Variants in TYR observed in about 807,000 individuals in gnomAD.
TYR encodes LB24-AB.
Under a neutral mutation model 51.5 loss-of-function variants are expected in TYR, and 58 were observed. The ratio of observed to expected loss-of-function variants is 1.13; its 90% CI spans 0.91 to 1.40. The LOEUF (loss-of-function observed/expected upper bound fraction) is 1.40, where lower values mean the gene tolerates loss of function less well. Ranked by LOEUF, TYR falls within the 40% of genes most tolerant of loss-of-function variation. The pLI, the probability that TYR is intolerant of heterozygous loss-of-function variation, is 0.00. For synonymous variants in TYR, 263 were observed against 235.2 expected (o/e 1.12, Z -1.08); for missense variants, 732 against 647.4 (o/e 1.13, Z -1.42).
intron 1 of TYR, among the ~76,000 whole-genome samples, chr11:89,180,751 T>C (rs1232966366): frequency 6.6e-6 from 1 of 152,136 alleles, no homozygotes; most frequent in Non-Finnish European, 1.5e-5. Flanking sequence ...CATTTGCTGC[T>C]CACCTACTAT....
At chr11:89,223,087 A>G (rs1017534585) in intron 2 of TYR, among the ~76,000 whole-genome samples, 5 of 152,218 alleles carry the variant, frequency 3.3e-5, no homozygotes, top group African/African-American at 1.2e-4. Flanking sequence ...GTATATGCAA[A>G]AAGGAGCACA....
intron 3 of TYR, among the ~76,000 whole-genome samples, chr11:89,268,629 C>T (rs1382020044): frequency 6.6e-6 from 1 of 151,874 alleles, no homozygotes; most frequent in Non-Finnish European, 1.5e-5. Flanking sequence ...TAATATAATA[C>T]ACACATCCAT....
intron 3 of TYR, among the ~76,000 whole-genome samples, chr11:89,252,821 TCAACATGAAAAGGAAAG>T (rs1315436735): frequency 4.6e-5 from 7 of 151,710 alleles, no homozygotes; most frequent in African/African-American, 7.2e-5. Flanking sequence ...GTTTCATGCT[TCAACATGAAAAGGAAAG>T]CAACATTCAG....
rs111445256 is a variant in TYR, at chr11:89,214,127, A to G, written c.1037-13696A>G. On this transcript the variant is annotated intron_variant, in intron 2 of 4. Transcript: ENST00000263321. ...ATAGATGGTTCTGCCAGCAAAAGAA[A>G]TATCAGAGTGAACAGGCAACCTACA... is the stretch of plus-strand genomic sequence containing the variant. 2.0e-5 allele frequency among the ~76,000 whole-genome samples: 3 copies of G among 152,210 alleles called. No individual in the cohort carries two copies. In the South Asian group the frequency reaches 6.2e-4, roughly 32 times the overall value.
chr11:89,266,449 TTTCTTACATTTAG>T (rs1944526741), intron 3 of TYR, among the ~76,000 whole-genome samples: 1 of 152,002 alleles, frequency 6.6e-6, no homozygotes, highest in Non-Finnish European at 1.5e-5. Context: ...ACCTCTGATT[TTTCTTACATTTAG>T]TATGGGCCAT....
At chr11:89,202,337 T>G (rs752332393) in intron 2 of TYR, among the ~76,000 whole-genome samples, 6 of 152,014 alleles carry the variant, frequency 3.9e-5, no homozygotes, top group Non-Finnish European at 8.8e-5. Flanking sequence ...ACACACAACC[T>G]TCTAGTATTT....
rs752579071 is a variant in TYR at position 89,284,763 on chromosome 11, T to C, written c.1185-10T>C. 2 of 1,611,280 alleles carry C rather than the reference T, an allele frequency of 1.2e-6. No homozygotes were observed. Among genetic ancestry groups the C allele is most frequent in the Non-Finnish European group, 1.7e-6 (2 of 1,178,064 alleles). On this transcript the variant is annotated splice_polypyrimidine_tract_variant and intron_variant, in intron 3 of 4. Transcript: ENST00000263321. ...ATGTTTCTTAGTCTGAATAACCTTT[T>C]CCTCTGCAGTATTTTTGAGCAGTGG...
At chr11:89,227,791 A>G in intron 2 of TYR, 32 bp from the exon 3 acceptor site, 1 of 1,596,926 alleles carries the variant, frequency 6.3e-7, no homozygotes, top group Non-Finnish European at 8.6e-7. Context: ...ATTAAAGTAA[A>G]CATATTTTTT....
intron 2 of TYR, among the ~76,000 whole-genome samples, chr11:89,219,774 T>G (rs1943884131): frequency 6.6e-6 from 1 of 152,160 alleles, no homozygotes; most frequent in South Asian, 2.1e-4. Flanking sequence ...CAGTTGACTA[T>G]GTGCCCTGGA....
chr11:89,214,657 A>G (rs1943809588), intron 2 of TYR, among the ~76,000 whole-genome samples: 1 of 152,202 alleles, frequency 6.6e-6, no homozygotes, highest in Admixed American at 6.5e-5. Flanking sequence ...TGGACAGGAT[A>G]AAGCAAATAT....
intron 3 of TYR, among the ~76,000 whole-genome samples, chr11:89,280,499 C>T (rs1055890404): frequency 6.0e-5 from 9 of 151,018 alleles, no homozygotes; most frequent in Non-Finnish European, 1.5e-5. Context: ...TTAGGGTTTC[C>T]GTCTTTCTGC....
At position 89,179,260 on chromosome 11, in the gene TYR, G is replaced by A. The variant is rs149360962; in HGVS notation, c.819+488G>A. ...GACTAATTGGTCAGAATCTTCAGGAGAGAGTCCCGAGAAGGCACAATTTAC... is the reference window on the plus strand; with the variant it reads ...GACTAATTGGTCAGAATCTTCAGGAAAGAGTCCCGAGAAGGCACAATTTAC... On this transcript the variant is annotated intron_variant, in intron 1 of 4. Coordinates refer to ENST00000263321, the MANE Select transcript of TYR (RefSeq NM_000372.5). Among the ~76,000 whole-genome samples, 230 of 152,282 alleles carry A rather than the reference G, an allele frequency of 1.5e-3. 3 individuals are homozygous for A. The highest frequency in any genetic ancestry group is 5.2e-3 in the African/African-American group (217 of 41,544).
intron 3 of TYR, among the ~76,000 whole-genome samples, chr11:89,230,748 T>C (rs1242600511): frequency 6.6e-6 from 1 of 151,928 alleles, no homozygotes. Context: ...CAAAAGAAGA[T>C]ATGCAAACGT....
At chr11:89,212,978 A>G (rs547820301) in intron 2 of TYR, among the ~76,000 whole-genome samples, 100 of 152,296 alleles carry the variant, frequency 6.6e-4, no homozygotes, top group African/African-American at 2.3e-3. Context: ...CCCGCAGCCA[A>G]TATTATACTG....
chr11:89,199,604 CCT>C (rs1943570543), intron 2 of TYR, among the ~76,000 whole-genome samples: 1 of 152,132 alleles, frequency 6.6e-6, no homozygotes, highest in African/African-American at 2.4e-5. Flanking sequence ...GCATCTACTT[CCT>C]CATTTATAAA....
At chr11:89,266,885 T>G (rs1033374057) in intron 3 of TYR, among the ~76,000 whole-genome samples, 6 of 151,936 alleles carry the variant, frequency 3.9e-5, no homozygotes, top group African/African-American at 1.4e-4. Flanking sequence ...TCTGGATTCC[T>G]ACCAAACCAT....
intron 2 of TYR, among the ~76,000 whole-genome samples, chr11:89,226,766 G>T (rs1285099960): frequency 6.6e-6 from 1 of 151,998 alleles, no homozygotes; most frequent in Non-Finnish European, 1.5e-5. Context: ...TGTAACTCTG[G>T]TTTACATTAT....
At chr11:89,249,377 T>C (rs188683604) in intron 3 of TYR, among the ~76,000 whole-genome samples, 8 of 141,452 alleles carry the variant, frequency 5.7e-5, no homozygotes, top group African/African-American at 8.0e-5. Flanking sequence ...GATGAGCCGA[T>C]ACAGATGAGT....
chr11:89,291,370 T>C (rs1179796014), intron 4 of TYR, among the ~76,000 whole-genome samples: 1 of 152,034 alleles, frequency 6.6e-6, no homozygotes, highest in Non-Finnish European at 1.5e-5. Flanking sequence ...TTTTATTTTT[T>C]TACTATGCAT....
Sources: allele counts gnomAD v4.1 joint callset (sites outside exome capture counted in the v4.1 genomes callset), GRCh38; gene constraint gnomAD v4.1.1; transcripts MANE v1.5; gene names NCBI Gene and HGNC (gene_info 2026-07-23, HGNC 2026-07-21).